The following BMPR1B variants were observed in gnomAD, a reference collection of about 807,000 sequenced individuals.
The protein encoded by BMPR1B is bone morphogenetic protein receptor type 1B.
A neutral mutation model predicts 59.1 loss-of-function variants in BMPR1B; 12 were observed. That is an observed-to-expected ratio of 0.20 (90% CI 0.13 to 0.33). The LOEUF is 0.33. Ranked by LOEUF, BMPR1B falls within the 10% of genes least tolerant of loss-of-function variation. The pLI is 1.00. For synonymous variants in BMPR1B, 237 were observed against 207.3 expected, an observed-to-expected ratio of 1.14 and a Z score of -1.23; for missense variants, 550 against 610.9, an observed-to-expected ratio of 0.90 and a Z score of 1.05.
At chr4:94,770,787 C>G (rs941158022) in intron 1 of BMPR1B, among the ~76,000 whole-genome samples, 10 of 149,650 alleles carry the variant, frequency 6.7e-5, no homozygotes, top group African/African-American at 2.5e-4. Context: ...GTGGTAGTAC[C>G]TTGTCAAGGG....
intron 2 of BMPR1B, among the ~76,000 whole-genome samples, chr4:94,909,656 C>G (rs914540662): frequency 2.0e-5 from 3 of 152,072 alleles, no homozygotes; most frequent in African/African-American, 7.2e-5. Flanking sequence ...CTCCTCCTCC[C>G]TCTTCCTGAT....
intron 2 of BMPR1B, among the ~76,000 whole-genome samples, chr4:94,885,885 C>G (rs1251184542): frequency 6.6e-6 from 1 of 152,126 alleles, no homozygotes; most frequent in Non-Finnish European, 1.5e-5. Flanking sequence ...ATGTAGCATT[C>G]ACAGTGAAAG....
chr4:94,834,530 A>C (rs982459537), intron 1 of BMPR1B, among the ~76,000 whole-genome samples: 2 of 152,024 alleles, frequency 1.3e-5, no homozygotes, highest in African/African-American at 4.8e-5. Context: ...CAAACTCTTC[A>C]AGATTTTTTC....
At chr4:94,770,566 A>C (rs543098503) in intron 1 of BMPR1B, among the ~76,000 whole-genome samples, 3 of 152,042 alleles carry the variant, frequency 2.0e-5, no homozygotes, top group Non-Finnish European at 4.4e-5. Flanking sequence ...TTGGCATTTC[A>C]CATGCTGGAA....
chr4:95,053,528 TG>T (rs1335032634), intron 3 of BMPR1B, among the ~76,000 whole-genome samples: 1 of 152,132 alleles, frequency 6.6e-6, no homozygotes, highest in Non-Finnish European at 1.5e-5. Flanking sequence ...GACTATTAAA[TG>T]AGTAAGTATA....
chr4:94,899,315 T>G (rs1727710917), intron 2 of BMPR1B, among the ~76,000 whole-genome samples: 3 of 151,626 alleles, frequency 2.0e-5, no homozygotes. Context: ...CACTTACAGG[T>G]ACCAGCCATT....
intron 2 of BMPR1B, among the ~76,000 whole-genome samples, chr4:94,888,217 A>G (rs866216068): frequency 2.6e-5 from 4 of 152,116 alleles, no homozygotes; most frequent in African/African-American, 7.2e-5. Context: ...TTTTCTATCA[A>G]TTCTTCCTGA....
intron 3 of BMPR1B, among the ~76,000 whole-genome samples, chr4:95,040,936 C>G (rs1560612025): frequency 1.3e-5 from 2 of 152,140 alleles, no homozygotes. Flanking sequence ...AGTGCTGCCT[C>G]GCTGTACCTC....
chr4:94,885,267 A>C (rs1465799772), intron 2 of BMPR1B, among the ~76,000 whole-genome samples: 1 of 152,202 alleles, frequency 6.6e-6, no homozygotes, highest in African/African-American at 2.4e-5. Flanking sequence ...GTAAACAGAT[A>C]AACAGATATT....
intron 1 of BMPR1B, among the ~76,000 whole-genome samples, chr4:94,837,077 G>A (rs1185934445): frequency 2.1e-5 from 3 of 143,138 alleles, no homozygotes; most frequent in East Asian, 1.9e-4. Context: ...GTAGATATGC[G>A]GCGTTATTTC....
intron 2 of BMPR1B, among the ~76,000 whole-genome samples, chr4:94,901,641 C>G (rs1367011436): frequency 6.6e-6 from 1 of 151,920 alleles, no homozygotes; most frequent in African/African-American, 2.4e-5. Flanking sequence ...ATTAAAACAA[C>G]AATGAAATAT....
intron 3 of BMPR1B, among the ~76,000 whole-genome samples, chr4:95,017,617 C>T (rs7694043): frequency 0.26 from 38,848 of 152,106 alleles, 6,212 homozygotes; most frequent in South Asian, 0.42. Context: ...CACTTAGCAT[C>T]AGTATTTCAA....
At chr4:94,800,344 T>C (rs1047042914) in intron 1 of BMPR1B, among the ~76,000 whole-genome samples, 2 of 152,184 alleles carry the variant, frequency 1.3e-5, no homozygotes, top group Non-Finnish European at 2.9e-5. Context: ...ATTTCAAGGA[T>C]TGGTAAAACA....
At chr4:94,880,181 A>T (rs1160884146) in intron 2 of BMPR1B, among the ~76,000 whole-genome samples, 1 of 152,186 alleles carries the variant, frequency 6.6e-6, no homozygotes, top group African/African-American at 2.4e-5. Flanking sequence ...GAGCTGAAGC[A>T]TTATATGTCT....
chr4:94,923,017 A>G (rs1728760291), intron 2 of BMPR1B, among the ~76,000 whole-genome samples: 1 of 152,146 alleles, frequency 6.6e-6, no homozygotes, highest in South Asian at 2.1e-4. Flanking sequence ...TATATCCCAA[A>G]GGAACTCACA....
At chr4:94,758,105 TGGCCGAGTTCCCGAGCGCGCGGGAGGC>T (rs1373649885) in intron 1 of BMPR1B, 37 bp downstream of exon 1, 2 of 148,016 alleles carry the variant, frequency 1.4e-5, no homozygotes, top group African/African-American at 2.5e-5. Flanking sequence ...CCCCTGCGGG[TGGCCGAGTTCCCGAGCGCGCGGGAGGC>T]GGCCGAGCCG....
rs546585919 is a variant in BMPR1B, at chr4:94,973,003, C to T, written c.-112-23037C>T. Among the ~76,000 whole-genome samples the T allele has an allele frequency of 2.6e-5, 4 of 152,100 alleles. No individual in the cohort carries two copies. In the East Asian group the frequency reaches 7.8e-4, roughly 30 times the overall value. ...AGGAACAAACTCCATTTACTTGGCT[C>T]ACCATGCTCAGCCCCTTGTGGGAGG... On this transcript the variant is annotated intron_variant, in intron 2 of 12. Coordinates refer to ENST00000515059, the MANE Select transcript of BMPR1B (RefSeq NM_001203.3).
intron 6 of BMPR1B, among the ~76,000 whole-genome samples, chr4:95,116,470 TTTG>T (rs539950683): frequency 1.0e-3 from 104 of 101,306 alleles, no homozygotes; most frequent in Middle Eastern, 5.3e-3. Context: ...CACACGGTTT[TTTG>T]TTGTTGCAGA....
intron 4 of BMPR1B, among the ~76,000 whole-genome samples, chr4:95,105,456 C>T (rs752619685): frequency 1.3e-5 from 2 of 151,214 alleles, no homozygotes; most frequent in Non-Finnish European, 2.9e-5. Context: ...CCAGAAGGTA[C>T]GCAAAGCTGA....
Sources: gnomAD v4.1 joint callset for allele counts (sites outside exome capture counted in the v4.1 genomes callset) on GRCh38, gnomAD v4.1.1 for gene constraint, MANE v1.5 for transcripts, NCBI Gene and HGNC (gene_info 2026-07-23, HGNC 2026-07-21) for gene names.